CELSR2: variants seen among roughly 807,000 people sequenced by gnomAD.
CELSR2 encodes the protein cadherin EGF LAG seven-pass G-type receptor 2.
In CELSR2, 81 loss-of-function variants were observed where a neutral mutation model predicts 251.6. The observed-to-expected ratio is 0.32, with a 90% CI of 0.27 to 0.39. The LOEUF (loss-of-function observed/expected upper bound fraction) is 0.39, where lower values mean the gene tolerates loss of function less well. CELSR2 is among the 10% of genes least tolerant of loss of function. The pLI is 1.00. For synonymous variants in CELSR2, 1,721 were observed against 1,670.5 expected (o/e 1.03, Z -0.74); for missense variants, 3,365 against 3,947.7 (o/e 0.85, Z 3.96).
chr1:109,258,912 G>A lies in CELSR2; in HGVS notation c.3791G>A (p.Arg1264Gln). 6.2e-7 allele frequency: 1 copy of A among 1,612,336 alleles called. No individual in the cohort carries two copies. The highest frequency in any genetic ancestry group is 1.1e-5 in the South Asian group (1 of 90,960). Residue 1264 changes from arginine (R) to glutamine (Q), a missense_variant, in exon 2 of 34, where the codon CGG becomes CAG. By Grantham distance (43) the Arg-to-Gln change is conservative. Around this residue, in one of 5 missense-constraint regions of CELSR2, gnomAD observed 2,093 missense variants for 2,382.8 expected, o/e 0.88. Coordinates refer to ENST00000271332, the MANE Select transcript of CELSR2 (RefSeq NM_001408.3). ...ATCGCCTCCTCCTCCGTGCTCTTCC[G>A]GCCCATCCACCCCGTCGGAGGGCTG... ...PFIASSSVLFRPIHPVGGLRC... is the reference protein window; with the variant it reads ...PFIASSSVLFQPIHPVGGLRC...
Position 109,269,871 on chromosome 1 carries a change from G to C in CELSR2, c.7107+51G>C. On this transcript the variant is annotated intron_variant, in intron 22 of 33. Transcript: ENST00000271332. The surrounding 1 kb of genome is among the most constrained non-coding windows in gnomAD (Gnocchi z 6.4). The stretch of plus-strand genomic sequence containing the variant: ...AGCCGTGGGTGGGCACCCAGGGCAC[G>C]GGGCTGGGTGCTCAGGTCCTGCCCT... 6.2e-7 allele frequency: 1 copy of C among 1,613,282 alleles called. No individual in the cohort carries two copies. The highest frequency in any genetic ancestry group is 1.1e-5 in the South Asian group (1 of 91,076).
At position 109,270,537 on chromosome 1, in the gene CELSR2, GTCAACACCGGCCCCATGCGCT is replaced by G; in HGVS notation, c.7423_7443del (p.Asn2475_Phe2481del). On this transcript the variant is annotated inframe_deletion, in exon 24 of 34. Coordinates refer to ENST00000271332, the MANE Select transcript of CELSR2 (RefSeq NM_001408.3). ...CCGGGCACTCACTGAGGTGCGCGAT[GTCAACACCGGCCCCATGCGCT>G]TCTACTACATGCTGGGCTGGGGCGT... 6.2e-7 allele frequency: 1 copy of G among 1,614,192 alleles called. No individual in the cohort carries two copies. Among genetic ancestry groups the G allele is most frequent in the Non-Finnish European group, 8.5e-7 (1 of 1,180,032 alleles).
chr1:109,264,848 T>C lies in CELSR2; in HGVS notation c.5465-20T>C, dbSNP rs572972775. 6.2e-7 allele frequency: 1 copy of C among 1,614,172 alleles called. No homozygotes were observed. Among genetic ancestry groups the C allele is most frequent in the African/African-American group, 1.3e-5 (1 of 75,062 alleles). On this transcript the variant is annotated intron_variant, in intron 11 of 33. Coordinates refer to ENST00000271332, the MANE Select transcript of CELSR2 (RefSeq NM_001408.3). ...AGGGGAGGGTGGGGGAATGAGCCTC[T>C]CTGGTCCTTCTGGTCCCAGGTTACT...
rs1022325245 is a variant in CELSR2, at chr1:109,263,265, A to C, written c.4832A>C (p.Gln1611Pro). The change falls in exon 8 of 34, where the codon CAG becomes CCG. Residue 1611 changes from glutamine (Q) to proline (P), a missense_variant and splice_region_variant. Transcript: ENST00000271332. ...PLGFGGKSCAQEMANPQHFLG... is the reference protein window; with the variant it reads ...PLGFGGKSCAPEMANPQHFLG... ...GGCTTTGGGGGCAAGAGCTGCGCCC[A>C]GGGTAGGAGGGGCGGCTGTTAGAGG... 5 of 1,572,492 alleles carry C rather than the reference A, an allele frequency of 3.2e-6. No homozygotes were observed. The highest frequency in any genetic ancestry group is 3.5e-5 in the Admixed American group (2 of 56,486).
Position 109,262,952 on chromosome 1 carries a change from A to G in CELSR2, c.4691A>G (p.Asn1564Ser). The change falls in exon 7 of 34, where the codon AAC becomes AGC. Residue 1564 changes from asparagine to serine, a missense_variant. Physicochemically the swap from Asn to Ser is conservative, Grantham distance 46. Around this residue, in one of 5 missense-constraint regions of CELSR2, gnomAD observed 2,093 missense variants for 2,382.8 expected, o/e 0.88. Transcript: ENST00000271332. ...ATAGACATGGCTGACTTCATTGCCA[A>G]CAATGGCACCGTGCCTGGTATGGGG... ...RHIDMADFIA[N>S]NGTVPGCPAK... is the part of the protein sequence containing the mutation. 1.9e-6 allele frequency: 3 copies of G among 1,613,352 alleles called. No homozygotes were observed. The highest frequency in any genetic ancestry group is 2.5e-6 in the Non-Finnish European group (3 of 1,179,574).
Position 109,261,453 on chromosome 1 carries a change from G to C in CELSR2, c.4182-60G>C. ...CCTCCCCTGCGCTGGTTAGGTGGCGGGGGTGCTGGCATCCAGGTGGGTACC... is the reference window on the plus strand; with the variant it reads ...CCTCCCCTGCGCTGGTTAGGTGGCGCGGGTGCTGGCATCCAGGTGGGTACC... On this transcript the variant is annotated intron_variant, in intron 3 of 33. Coordinates refer to ENST00000271332, the MANE Select transcript of CELSR2 (RefSeq NM_001408.3). The surrounding 1 kb of genome is among the most constrained non-coding windows in gnomAD (Gnocchi z 4.8). 6.6e-7 allele frequency: 1 copy of C among 1,518,710 alleles called. No individual in the cohort carries two copies. Among genetic ancestry groups the C allele is most frequent in the Non-Finnish European group, 9.1e-7 (1 of 1,093,520 alleles). 94.1% of individuals were successfully genotyped at this position (1,518,710 alleles called of 1,614,324 possible). A position where few individuals can be genotyped will look rare whatever the true frequency, so the allele number is the denominator to read the frequency against.
At chr1:109,267,776 G>A (rs1002815318) in intron 16 of CELSR2, 75 bp from the exon 17 acceptor site, 28 of 1,568,880 alleles carry the variant, frequency 1.8e-5, no homozygotes, top group Middle Eastern at 3.4e-4. Flanking sequence ...TGGAGAGGCC[G>A]TCTCTCACCT....
chr1:109,258,587 A>G lies in CELSR2; in HGVS notation c.3466A>G (p.Thr1156Ala), dbSNP rs1264087473. 3 of 1,596,192 alleles carry G rather than the reference A, an allele frequency of 1.9e-6. No individual in the cohort carries two copies. In the Admixed American group the frequency reaches 5.2e-5, roughly 28 times the overall value. ...LGLFIQAVAATLATPPDHVVV... is the reference protein window; with the variant it reads ...LGLFIQAVAAALATPPDHVVV... The stretch of plus-strand genomic sequence containing the variant: ...CCTCTTCATCCAGGCGGTGGCCGCC[A>G]CGCTGGCCACGCCACCGGACCACGT... Residue 1156 changes from threonine to alanine, a missense_variant, in exon 2 of 34, where the codon ACG (threonine) becomes GCG (alanine). Around this residue, in one of 5 missense-constraint regions of CELSR2, gnomAD observed 505 missense variants for 660.0 expected, o/e 0.77. Coordinates refer to ENST00000271332, the MANE Select transcript of CELSR2 (RefSeq NM_001408.3).
chr1:109,255,075 C>T (rs1018167903), intron 1 of CELSR2, among the ~76,000 whole-genome samples: 1 of 152,148 alleles, frequency 6.6e-6, no homozygotes, highest in African/African-American at 2.4e-5. Context: ...AGAGAAGGCT[C>T]GGGGCAACAT....
In CELSR2 at chr1:109,270,179, C is replaced by T. The variant is rs372640552; in HGVS notation, c.7308+46C>T. The T allele has an allele frequency of 1.9e-5, 31 of 1,592,730 alleles. No individual in the cohort carries two copies. The African/African-American group carries it at 2.1e-4, about 11-fold the overall frequency. ...AGAAACTGTCCCCACCTTCTCAGGCCGCCTCCCCAGCCCCCACTGGCAACC... is the reference window on the plus strand; with the variant it reads ...AGAAACTGTCCCCACCTTCTCAGGCTGCCTCCCCAGCCCCCACTGGCAACC... On this transcript the variant is annotated intron_variant, in intron 23 of 33. Transcript: ENST00000271332.
chr1:109,272,949 G>A lies in CELSR2; in HGVS notation c.8260G>A (p.Ala2754Thr), dbSNP rs774869109. 1.4e-5 allele frequency: 22 copies of A among 1,613,946 alleles called. No individual in the cohort carries two copies. The highest frequency in any genetic ancestry group is 8.8e-5 in the South Asian group (8 of 91,092). The change falls in exon 31 of 34, where the codon GCC (alanine) becomes ACC (threonine). Residue 2754 changes from alanine (A) to threonine (T), a missense_variant. This residue lies in a region of CELSR2 where 2,093 missense variants were observed against 2,382.8 expected (regional missense o/e 0.88). Transcript: ENST00000271332. Reference protein sequence around the residue: ...EEEEEEEEEAAFPGEQGWDSL... With the variant: ...EEEEEEEEEATFPGEQGWDSL... ...AGAAGAGGAGGAGGAAGAGGAGGCC[G>A]CCTTCCCTGGAGAGCAGGGCTGGGA...
rs1656136381 is a variant in CELSR2, at chr1:109,264,562, A to G, written c.5398A>G (p.Asn1800Asp). 13 of 1,614,050 alleles carry G rather than the reference A, an allele frequency of 8.1e-6. No individual in the cohort carries two copies. The highest frequency in any genetic ancestry group is 1.1e-5 in the Non-Finnish European group (13 of 1,180,016). Residue 1800 changes from asparagine to aspartate, a missense_variant, in exon 11 of 34, where the codon AAC becomes GAC. Transcript: ENST00000271332. ...TAGCCTGCCTGACCCTTGTGACTCA[A>G]ACCCGTGTCCTGCTAACAGCTATTG... Reference protein sequence around the residue: ...GCSLPDPCDSNPCPANSYCSN... With the variant: ...GCSLPDPCDSDPCPANSYCSN...
In CELSR2 at chr1:109,271,862, G is replaced by A. The variant is rs568200222; in HGVS notation, c.7926+140G>A. 1.7e-5 allele frequency: 20 copies of A among 1,144,488 alleles called. No homozygotes were observed. The African/African-American group carries it at 2.8e-4, about 16-fold the overall frequency. 70.9% of individuals were successfully genotyped at this position (1,144,488 alleles called of 1,614,324 possible). A position where few individuals can be genotyped will look rare whatever the true frequency, so the allele number is the denominator to read the frequency against. On this transcript the variant is annotated intron_variant, in intron 28 of 33. Transcript: ENST00000271332. ...GGTGGAAGGGGAGGTGAAATGCTGTGTTCGGCCTGGGGAGGAGATGTTGGA... is the reference window on the plus strand; with the variant it reads ...GGTGGAAGGGGAGGTGAAATGCTGTATTCGGCCTGGGGAGGAGATGTTGGA...
At position 109,268,012 on chromosome 1, in the gene CELSR2, C is replaced by G; in HGVS notation, c.6270C>G (p.Thr2090=). 6.2e-7 allele frequency: 1 copy of G among 1,609,224 alleles called. No individual in the cohort carries two copies. The highest frequency in any genetic ancestry group is 2.2e-5 in the East Asian group (1 of 44,844). Residue 2090 remains threonine, a synonymous_variant, in exon 17 of 34, where the codon ACC becomes ACG. Transcript: ENST00000271332. ...CGCGGCTGCTGGCCCACGAGAGCAC[C>G]CAGCGGGGCTTTGGGCTGTCTGCCA... ...LATRLLAHES[T]QRGFGLSATQ... is the part of the protein sequence containing the mutation.
In CELSR2 at chr1:109,261,551, A is replaced by C; in HGVS notation, c.4220A>C (p.Asn1407Thr). 6.2e-7 allele frequency: 1 copy of C among 1,614,120 alleles called. No homozygotes were observed. Among genetic ancestry groups the C allele is most frequent in the African/African-American group, 1.3e-5 (1 of 75,024 alleles). The change falls in exon 4 of 34, where the codon AAT becomes ACT. Residue 1407 changes from asparagine to threonine, a missense_variant. Transcript: ENST00000271332. The surrounding 1 kb of genome is among the most constrained non-coding windows in gnomAD (Gnocchi z 4.8). ...TKERDGLLLYNGRFNEKHDFV... is the reference protein window; with the variant it reads ...TKERDGLLLYTGRFNEKHDFV... ...GAGCGCGACGGGTTGCTGTTGTACA[A>C]TGGGCGTTTCAATGAGAAGCATGAC...
In CELSR2 at chr1:109,258,495, T is replaced by A. The variant is rs1401167163; in HGVS notation, c.3374T>A (p.Leu1125His). The A allele has an allele frequency of 6.2e-7, 1 of 1,603,376 alleles. No individual in the cohort carries two copies. The highest frequency in any genetic ancestry group is 1.3e-5 in the African/African-American group (1 of 74,784). Residue 1125 changes from leucine to histidine, a missense_variant, in exon 2 of 34, where the codon CTC becomes CAC. Leu to His is a moderately conservative substitution (Grantham distance 99). Around this residue, in one of 5 missense-constraint regions of CELSR2, gnomAD observed 505 missense variants for 660.0 expected, o/e 0.77. Coordinates refer to ENST00000271332, the MANE Select transcript of CELSR2 (RefSeq NM_001408.3). ...LRVTIITDEM[L>H]THSITLRLED... Reference sequence around the variant, plus strand: ...GTGACCATCATCACCGATGAGATGCTCACCCACAGCATCACGCTGCGCCTG... The same window carrying A: ...GTGACCATCATCACCGATGAGATGCACACCCACAGCATCACGCTGCGCCTG...
Position 109,267,859 on chromosome 1 carries a change from G to T in CELSR2, c.6117G>T (p.Arg2039=). 1 of 1,602,120 alleles carries T rather than the reference G, an allele frequency of 6.2e-7. No homozygotes were observed. The highest frequency in any genetic ancestry group is 8.5e-7 in the Non-Finnish European group (1 of 1,174,646). The change falls in exon 17 of 34, where the codon CGG becomes CGT. Residue 2039 remains arginine (R), a synonymous_variant. Coordinates refer to ENST00000271332, the MANE Select transcript of CELSR2 (RefSeq NM_001408.3). ...CGCTCCGTCCTGTCTAGGCTGAGCG[G>T]CTACAGCGGAATGAGTCAGGCCTAG... The part of the protein sequence containing the change: ...TFSELKGFAE[R]LQRNESGLDS...
rs1175601163 is a variant in CELSR2 at position 109,251,183 on chromosome 1, G to A, written c.1104G>A (p.Glu368=). Residue 368 remains glutamate (E), a synonymous_variant, in exon 1 of 34, where the codon GAG becomes GAA. Coordinates refer to ENST00000271332, the MANE Select transcript of CELSR2 (RefSeq NM_001408.3). This position sits in a 1 kb window ranked among gnomAD's most constrained non-coding sequence, Gnocchi z 4.9. ...TGGAATCCTACCAGCTGACGGTAGA[G>A]GCAAGTGACCAGGGTCGGGACCCGG... ...EEVESYQLTV[E]ASDQGRDPGP... 1 of 1,613,726 alleles carries A rather than the reference G, an allele frequency of 6.2e-7. No homozygotes were observed. Among genetic ancestry groups the A allele is most frequent in the South Asian group, 1.1e-5 (1 of 91,086 alleles).
rs1026483260 is a variant in CELSR2, at chr1:109,274,261, C to T, written c.*212C>T. 4.0e-6 allele frequency: 5 copies of T among 1,265,390 alleles called. No individual in the cohort carries two copies. Among genetic ancestry groups the T allele is most frequent in the Non-Finnish European group, 5.3e-6 (5 of 945,740 alleles). The allele number at this position is 1,265,390 out of a possible 1,614,324, so 78.4% of individuals were successfully genotyped here. ...CCAACTCCCCCCCCACCATTCCCCT[C>T]ACTGCACTTTGGACCCCTGGGGCCA... On this transcript the variant is annotated 3_prime_UTR_variant, in exon 34 of 34. Coordinates refer to ENST00000271332, the MANE Select transcript of CELSR2 (RefSeq NM_001408.3).
Sources: gnomAD v4.1 joint callset for allele counts (sites outside exome capture counted in the v4.1 genomes callset) on GRCh38, gnomAD v4.1.1 for gene constraint, gnomAD v4.1.1 regional missense constraint, Gnocchi (gnomAD v3.1) non-coding constraint, MANE v1.5 for transcripts, NCBI Gene and HGNC (gene_info 2026-07-23, HGNC 2026-07-21) for gene names.